EFHC2: variants seen among roughly 807,000 people sequenced by gnomAD.
The protein encoded by EFHC2 is EF-hand domain containing 2.
Under a neutral mutation model 52.7 loss-of-function variants are expected in EFHC2, and 18 were observed. That is an observed-to-expected ratio of 0.34 (90% confidence interval 0.24 to 0.51). The LOEUF (loss-of-function observed/expected upper bound fraction) is 0.51. Among genes scored for constraint, EFHC2 ranks in the 20% least tolerant of loss-of-function variants. EFHC2 has a pLI of 0.97. For synonymous variants in EFHC2, 203 were observed against 204.1 expected (o/e 0.99, Z 0.04); for missense variants, 513 against 562.5 (o/e 0.91, Z 0.89).
intron 2 of EFHC2, among the ~76,000 whole-genome samples, chrX:44,300,017 C>G (rs987698678): frequency 9.0e-6 from 1 of 111,090 alleles, no homozygotes; most frequent in African/African-American, 3.3e-5. Context: ...CCACCATCAG[C>G]GTTACAAAAA....
intron 11 of EFHC2, among the ~76,000 whole-genome samples, chrX:44,217,749 CA>C (rs1049042160): frequency 3.8e-5 from 4 of 105,973 alleles, no homozygotes; most frequent in African/African-American, 6.8e-5. Context: ...TTAATGGGTA[CA>C]AAAAAAAATA....
At chrX:44,232,449 G>C in intron 10 of EFHC2, 32 bp downstream of exon 10, 1 of 1,017,791 alleles carries the variant, frequency 9.8e-7, no homozygotes, top group Non-Finnish European at 1.3e-6. Flanking sequence ...AGGGCTGAGA[G>C]GCAAGTCAAG....
chrX:44,333,897 A>C (rs187516252), intron 1 of EFHC2, among the ~76,000 whole-genome samples: 1 of 111,496 alleles, frequency 9.0e-6, no homozygotes, highest in East Asian at 2.8e-4. Context: ...ACATGGTTAC[A>C]TGTAGTTGTG....
intron 4 of EFHC2, among the ~76,000 whole-genome samples, chrX:44,252,165 T>TG (rs1462262042): frequency 8.9e-6 from 1 of 111,768 alleles, no homozygotes; most frequent in Non-Finnish European, 1.9e-5. Flanking sequence ...GGCTGTCCTC[T>TG]GTCCCAGGAA....
At chrX:44,295,486 G>A (rs1049480918) in intron 2 of EFHC2, among the ~76,000 whole-genome samples, 20 of 111,710 alleles carry the variant, frequency 1.8e-4, no homozygotes, top group African/African-American at 6.2e-4. Context: ...AGACTACAAA[G>A]GTACAAGAGC....
intron 2 of EFHC2, among the ~76,000 whole-genome samples, chrX:44,287,795 C>G (rs1258200791): frequency 8.9e-6 from 1 of 112,211 alleles, no homozygotes; most frequent in African/African-American, 3.2e-5. Context: ...AGTCCAGAGT[C>G]ACAGAGCCTC....
intron 2 of EFHC2, among the ~76,000 whole-genome samples, chrX:44,291,302 A>G (rs1474295918): frequency 8.9e-6 from 1 of 112,104 alleles, no homozygotes; most frequent in Non-Finnish European, 1.9e-5. Context: ...CTCAAGTTAT[A>G]CAAACCTGAA....
chrX:44,306,728 T>C (rs951916811), intron 2 of EFHC2, among the ~76,000 whole-genome samples: 1 of 112,021 alleles, frequency 8.9e-6, no homozygotes, highest in Admixed American at 9.5e-5. Flanking sequence ...GCTTTCAGAA[T>C]TATGGATTAA....
At chrX:44,180,832 A>T (rs2036829087) in intron 11 of EFHC2, among the ~76,000 whole-genome samples, 1 of 109,769 alleles carries the variant, frequency 9.1e-6, no homozygotes. Context: ...TGGGAGGCTG[A>T]GGTAGGATTG....
At chrX:44,280,005 C>T (rs960954546) in intron 2 of EFHC2, among the ~76,000 whole-genome samples, 2 of 103,555 alleles carry the variant, frequency 1.9e-5, no homozygotes, top group Middle Eastern at 4.9e-3. Context: ...CCCCAACCCC[C>T]GCCACAGACA....
At chrX:44,291,657 T>C (rs1279086981) in intron 2 of EFHC2, among the ~76,000 whole-genome samples, 1 of 112,426 alleles carries the variant, frequency 8.9e-6, no homozygotes, top group Non-Finnish European at 1.9e-5. Context: ...ACAAACCACT[T>C]AAGCTCTTTG....
chrX:44,302,762 T>C (rs1194325135), intron 2 of EFHC2, among the ~76,000 whole-genome samples: 1 of 112,311 alleles, frequency 8.9e-6, no homozygotes, highest in Non-Finnish European at 1.9e-5. Flanking sequence ...TGTTGGTGTC[T>C]TTTATGACAT....
intron 14 of EFHC2, among the ~76,000 whole-genome samples, chrX:44,162,772 C>G (rs752243597): frequency 4.5e-5 from 5 of 110,515 alleles, no homozygotes; most frequent in African/African-American, 1.6e-4. Flanking sequence ...CTGTTCCCCC[C>G]CAGTCTGTTT....
chrX:44,149,722 G>A (rs748814012), intron 14 of EFHC2, among the ~76,000 whole-genome samples: 5 of 111,041 alleles, frequency 4.5e-5, no homozygotes, highest in East Asian at 5.7e-4. Context: ...CATATAGGCC[G>A]GACTGGTCTG....
intron 11 of EFHC2, among the ~76,000 whole-genome samples, chrX:44,218,660 C>A (rs1302233077): frequency 8.9e-6 from 1 of 111,963 alleles, no homozygotes; most frequent in Non-Finnish European, 1.9e-5. Context: ...CTATCCTAGG[C>A]GACTTTGAGC....
chrX:44,291,180 C>G (rs936027181), intron 2 of EFHC2, among the ~76,000 whole-genome samples: 3 of 111,557 alleles, frequency 2.7e-5, no homozygotes, highest in Non-Finnish European at 5.6e-5. Context: ...TACCAATGCT[C>G]AAGTTATAAT....
intron 3 of EFHC2, among the ~76,000 whole-genome samples, chrX:44,270,977 A>T (rs5953373): frequency 0.14 from 15,394 of 111,136 alleles, 1,027 homozygotes; most frequent in Admixed American, 0.26. Context: ...TGCTGACCCC[A>T]GGATTCAGGC....
At chrX:44,304,586 T>C (rs1311794075) in intron 2 of EFHC2, among the ~76,000 whole-genome samples, 5 of 112,034 alleles carry the variant, frequency 4.5e-5, no homozygotes, top group African/African-American at 1.3e-4. Flanking sequence ...TTTTGTGACT[T>C]GGACAGTGTT....
chrX:44,283,711 C>T (rs1344424388), intron 2 of EFHC2, among the ~76,000 whole-genome samples: 2 of 94,896 alleles, frequency 2.1e-5, no homozygotes, highest in Non-Finnish European at 4.1e-5. Context: ...CGGGAAGTTG[C>T]ACAGCGCAAA....
Sources: gnomAD v4.1 joint callset for allele counts (sites outside exome capture counted in the v4.1 genomes callset) on GRCh38, gnomAD v4.1.1 for gene constraint, MANE v1.5 for transcripts, NCBI Gene and HGNC (gene_info 2026-07-23, HGNC 2026-07-21) for gene names.